Variants in FOXP2 observed in about 807,000 individuals in gnomAD.
FOXP2 encodes forkhead box protein P2.
FOXP2 carries 12 observed loss-of-function variants against 115.8 expected under a neutral mutation model. The observed-to-expected ratio is 0.10, with a 90% CI of 0.07 to 0.17. The LOEUF is 0.17. Ranked by LOEUF, FOXP2 falls within the 10% of genes least tolerant of loss-of-function variation. The pLI is 1.00. For synonymous variants in FOXP2, 328 were observed against 297.7 expected, an observed-to-expected ratio of 1.10 and a Z score of -1.05; for missense variants, 629 against 843.5, an observed-to-expected ratio of 0.75 and a Z score of 3.15.
At chr7:114,316,000 G>C (rs1370260029) in intron 2 of FOXP2, among the ~76,000 whole-genome samples, 1 of 152,076 alleles carries the variant, frequency 6.6e-6, no homozygotes, top group Non-Finnish European at 1.5e-5. Flanking sequence ...CTACTTTTGG[G>C]ACCTATTTTA....
At chr7:114,352,519 GA>G (rs760558397) in intron 2 of FOXP2, among the ~76,000 whole-genome samples, 6 of 152,108 alleles carry the variant, frequency 3.9e-5, no homozygotes, top group Non-Finnish European at 8.8e-5. Context: ...AGAACTCCTA[GA>G]AAACTAACAG....
intron 3 of FOXP2, among the ~76,000 whole-genome samples, chr7:114,540,999 A>C (rs1418246124): frequency 2.0e-5 from 3 of 152,124 alleles, no homozygotes; most frequent in Non-Finnish European, 2.9e-5. Flanking sequence ...TTATCAAAGC[A>C]GTGGTCTGTG....
chr7:114,654,234 C>T (rs1323144234), intron 10 of FOXP2: 5 of 1,036,772 alleles, frequency 4.8e-6, no homozygotes, highest in African/African-American at 3.2e-5. Flanking sequence ...AAACAAAGTA[C>T]ACCTATCAGT....
At chr7:114,100,053 T>C (rs1267893618) in intron 1 of FOXP2, among the ~76,000 whole-genome samples, 5 of 152,214 alleles carry the variant, frequency 3.3e-5, no homozygotes, top group Non-Finnish European at 7.3e-5. Context: ...AAAATTATTT[T>C]TTAAAAACCT....
intron 2 of FOXP2, among the ~76,000 whole-genome samples, chr7:114,384,180 C>T (rs1470256530): frequency 1.3e-5 from 2 of 152,110 alleles, no homozygotes; most frequent in Admixed American, 6.5e-5. Flanking sequence ...GAAAGCGGTC[C>T]GGGCTGCTGG....
chr7:114,612,220 G>A (rs1803667661), intron 3 of FOXP2, among the ~76,000 whole-genome samples: 1 of 151,980 alleles, frequency 6.6e-6, no homozygotes, highest in South Asian at 2.1e-4. Flanking sequence ...GAGACTGGAG[G>A]GGAAGAGATT....
chr7:114,665,656 C>T (rs1585008934), intron 16 of FOXP2: 1 of 151,986 alleles, frequency 6.6e-6, no homozygotes, highest in East Asian at 1.9e-4. Context: ...AGGTTCCGAA[C>T]CATTACTTCT....
chr7:114,491,178 A>G (rs1354613163), intron 2 of FOXP2, among the ~76,000 whole-genome samples: 1 of 152,088 alleles, frequency 6.6e-6, no homozygotes, highest in African/African-American at 2.4e-5. Context: ...TTGTTTCCTG[A>G]CTTTTTAATG....
chr7:114,427,475 C>T (rs1273658421), intron 2 of FOXP2, among the ~76,000 whole-genome samples: 2 of 150,906 alleles, frequency 1.3e-5, no homozygotes, highest in African/African-American at 4.9e-5. Flanking sequence ...GAAACAGTGA[C>T]AGAGAAAAGA....
chr7:114,465,916 C>G (rs771327148), intron 2 of FOXP2, among the ~76,000 whole-genome samples: 10 of 152,300 alleles, frequency 6.6e-5, no homozygotes, highest in Admixed American at 6.5e-4. Flanking sequence ...ACTCCCTTCC[C>G]TCCCATCTGT....
At chr7:114,626,344 C>T (rs188667925) in intron 3 of FOXP2, among the ~76,000 whole-genome samples, 45 of 151,824 alleles carry the variant, frequency 3.0e-4, no homozygotes, top group African/African-American at 9.6e-4. Flanking sequence ...TAGTGGTTTA[C>T]GGCATACCTC....
At chr7:114,635,269 G>C (rs956518622) in intron 6 of FOXP2, among the ~76,000 whole-genome samples, 1 of 152,096 alleles carries the variant, frequency 6.6e-6, no homozygotes, top group African/African-American at 2.4e-5. Flanking sequence ...CCTACTTCTG[G>C]CATCCTGGAT....
In FOXP2 at chr7:114,584,794, C is replaced by T. The variant is rs1295984595; in HGVS notation, c.259-43746C>T. ...TGGCTAAGGTATTTTTATCTTGCTA[C>T]AGTAACATCCGTATGGATTGGAAAG... is the stretch of plus-strand genomic sequence containing the variant. On this transcript the variant is annotated intron_variant, in intron 3 of 16. Coordinates refer to ENST00000350908, the MANE Select transcript of FOXP2 (RefSeq NM_014491.4). Among the ~76,000 whole-genome samples, 3 of 152,142 alleles carry T rather than the reference C, an allele frequency of 2.0e-5. No individual in the cohort carries two copies. In the East Asian group the frequency reaches 5.8e-4, roughly 29 times the overall value.
intron 1 of FOXP2, among the ~76,000 whole-genome samples, chr7:114,264,563 C>T (rs1795848149): frequency 1.3e-5 from 2 of 152,192 alleles, no homozygotes; most frequent in Admixed American, 1.3e-4. Flanking sequence ...TTCTTGTTTA[C>T]ACATATTACC....
intron 1 of FOXP2, among the ~76,000 whole-genome samples, chr7:114,183,527 C>G (rs1793511252): frequency 1.3e-5 from 2 of 152,070 alleles, no homozygotes; most frequent in Admixed American, 6.6e-5. Flanking sequence ...CATGTCAAGA[C>G]TTGTGCTGAA....
At chr7:114,364,216 A>G (rs577865409) in intron 2 of FOXP2, among the ~76,000 whole-genome samples, 2 of 152,244 alleles carry the variant, frequency 1.3e-5, no homozygotes, top group East Asian at 3.9e-4. Context: ...TGAGGCATAC[A>G]TTTATTTTAA....
intron 16 of FOXP2, among the ~76,000 whole-genome samples, chr7:114,671,754 A>C (rs558720372): frequency 2.4e-3 from 365 of 152,304 alleles, no homozygotes; most frequent in African/African-American, 7.9e-3. Flanking sequence ...TGGGAAGTGG[A>C]TATATGTTGG....
intron 1 of FOXP2, among the ~76,000 whole-genome samples, chr7:114,115,582 A>T (rs563211819): frequency 1.9e-4 from 29 of 152,202 alleles, no homozygotes; most frequent in Non-Finnish European, 3.1e-4. Context: ...TTTGCCAGGA[A>T]TATTGGCTGT....
chr7:114,221,458 C>G (rs897833104), intron 1 of FOXP2, among the ~76,000 whole-genome samples: 1 of 151,982 alleles, frequency 6.6e-6, no homozygotes, highest in Non-Finnish European at 1.5e-5. Flanking sequence ...ATACTTAGAT[C>G]CAAAAGAGCC....
Sources: gnomAD v4.1 joint callset for allele counts (sites outside exome capture counted in the v4.1 genomes callset) on GRCh38, gnomAD v4.1.1 for gene constraint, MANE v1.5 for transcripts, NCBI Gene and HGNC (gene_info 2026-07-23, HGNC 2026-07-21) for gene names.